ANTXRL: variants seen among roughly 807,000 people sequenced by gnomAD.
ANTXRL encodes anthrax toxin receptor-like.
Under a neutral mutation model 75.4 loss-of-function variants are expected in ANTXRL, and 63 were observed. The observed-to-expected ratio is 0.84, with a 90% CI of 0.68 to 1.03. The LOEUF (loss-of-function observed/expected upper bound fraction) is 1.03. Ranked by LOEUF, ANTXRL falls within the 50% of genes least tolerant of loss-of-function variation. The pLI is 0.00. For synonymous variants in ANTXRL, 335 were observed against 291.3 expected (o/e 1.15, Z -1.53); for missense variants, 797 against 789.4 (o/e 1.01, Z -0.12).
intron 15 of ANTXRL, 124 bp downstream of exon 15, chr10:46,311,789 T>C: frequency 1.8e-6 from 1 of 564,780 alleles, no homozygotes; most frequent in South Asian, 2.3e-5. Context: ...GGGCTGGACT[T>C]TGGACACTTG....
At chr10:46,304,597 A>G (rs1837959612) in intron 10 of ANTXRL, among the ~76,000 whole-genome samples, 1 of 152,162 alleles carries the variant, frequency 6.6e-6, no homozygotes, top group Admixed American at 6.5e-5. Flanking sequence ...TCAGGCATAT[A>G]GGCATAAAAC....
chr10:46,313,349 CA>C, intron 16 of ANTXRL, 33 bp downstream of exon 16: 1 of 1,523,078 alleles, frequency 6.6e-7, no homozygotes, highest in Non-Finnish European at 8.8e-7. Context: ...AGTTGATGGA[CA>C]AAAGGCCACT....
chr10:46,297,157 G>T (rs1837428967), intron 5 of ANTXRL, 95 bp from the exon 6 acceptor site: 1 of 1,048,582 alleles, frequency 9.5e-7, no homozygotes, highest in African/African-American at 1.6e-5. Flanking sequence ...GGAGTGGGCA[G>T]CGCTGTGGGC....
At chr10:46,307,509 G>A (rs1554962248) in intron 12 of ANTXRL, 29 bp downstream of exon 12, 8 of 1,517,998 alleles carry the variant, frequency 5.3e-6, no homozygotes, top group Non-Finnish European at 7.1e-6. Context: ...CTGCAAACAT[G>A]TATGAGGACT....
At position 46,287,385 on chromosome 10, in the gene ANTXRL, C is replaced by T; in HGVS notation, c.123C>T (p.His41=). The T allele has an allele frequency of 2.6e-6, 4 of 1,536,022 alleles. No homozygotes were observed. Among genetic ancestry groups the T allele is most frequent in the Non-Finnish European group, 3.5e-6 (4 of 1,146,768 alleles). The change falls in exon 1 of 17, where the codon CAC becomes CAT. Residue 41 remains histidine (H), a synonymous_variant. Coordinates refer to ENST00000620264, the MANE Select transcript of ANTXRL (RefSeq NM_001278688.3). ...ATGGACCTGACTGGAGAATATTTCA[C>T]CGCCTGGCCCTGGGCTCCAGGAGAG... ...RYHGPDWRIF[H]RLALGSRRAH...
chr10:46,292,013 G>C (rs1190390851), intron 1 of ANTXRL, 45 bp from the exon 2 acceptor site: 1 of 1,515,918 alleles, frequency 6.6e-7, no homozygotes, highest in Non-Finnish European at 8.9e-7. Context: ...TTGCCCATCG[G>C]AGAGATGCAC....
chr10:46,308,522 G>A (rs1484818791), intron 12 of ANTXRL: 8 of 440,286 alleles, frequency 1.8e-5, no homozygotes, highest in East Asian at 7.3e-5. Context: ...CACGGATGCC[G>A]CCCAAGATTC....
At chr10:46,313,169 A>C in intron 15 of ANTXRL, 67 bp from the exon 16 acceptor site, 1 of 1,335,472 alleles carries the variant, frequency 7.5e-7, no homozygotes, top group African/African-American at 1.5e-5. Flanking sequence ...GGGGCTGGGG[A>C]GTCCTGATGC....
At chr10:46,304,962 T>TG (rs1837984638) in intron 10 of ANTXRL, among the ~76,000 whole-genome samples, 1 of 152,158 alleles carries the variant, frequency 6.6e-6, no homozygotes, top group South Asian at 2.1e-4. Context: ...CGTCTCACAG[T>TG]GGGGAGCCCA....
intron 16 of ANTXRL, 61 bp from the exon 17 acceptor site, chr10:46,329,538 G>A: frequency 6.7e-7 from 1 of 1,502,776 alleles, no homozygotes; most frequent in Non-Finnish European, 8.9e-7. Flanking sequence ...GGCAACCGCA[G>A]CCTTCTGAGC....
In ANTXRL at chr10:46,329,865, C is replaced by T. The variant is rs782543392; in HGVS notation, c.1677C>T (p.His559=). The T allele has an allele frequency of 3.3e-6, 5 of 1,535,348 alleles. No homozygotes were observed. The highest frequency in any genetic ancestry group is 1.7e-4 in the Middle Eastern group (1 of 5,982). Reference sequence around the variant, plus strand: ...GCAGCCCAAGGATCTGCCTGAGACACAGCCCGGAGTACTTTTCCCAAGCAC... The same window carrying T: ...GCAGCCCAAGGATCTGCCTGAGACATAGCCCGGAGTACTTTTCCCAAGCAC... ...APCSPRICLR[H]SPEYFSQAQT... Residue 559 remains histidine, a synonymous_variant, in exon 17 of 17, where the codon CAC becomes CAT. Coordinates refer to ENST00000620264, the MANE Select transcript of ANTXRL (RefSeq NM_001278688.3).
rs559939566 is a variant in ANTXRL, at chr10:46,308,812, G to A, written c.1045-301G>A. ...TCCACCCTCACCTGTCTTTGTACCG[G>A]TAGATTTTGTGGTCCTCACAGAAGC... On this transcript the variant is annotated intron_variant, in intron 12 of 16. Transcript: ENST00000620264. 8.7e-5 allele frequency: 39 copies of A among 446,356 alleles called. 1 individual carries two copies. Among genetic ancestry groups the A allele is most frequent in the South Asian group, 8.7e-4 (38 of 43,580 alleles). 27.6% of individuals were successfully genotyped at this position (446,356 alleles called of 1,614,324 possible). A position where few individuals can be genotyped will look rare whatever the true frequency, so the allele number is the denominator to read the frequency against.
chr10:46,326,372 C>T (rs1839212475), intron 16 of ANTXRL, among the ~76,000 whole-genome samples: 1 of 152,076 alleles, frequency 6.6e-6, no homozygotes, highest in Admixed American at 6.5e-5. Flanking sequence ...CGGAGGCAGC[C>T]CCTCACAACA....
Position 46,311,484 on chromosome 10 carries a change from G to GCAGA in ANTXRL, c.1174-22_1174-19dup, listed in dbSNP as rs1554963455. 11 of 1,515,102 alleles carry GCAGA rather than the reference G, an allele frequency of 7.3e-6. No homozygotes were observed. In the Admixed American group the frequency reaches 1.6e-4, roughly 22 times the overall value. The allele number at this position is 1,515,102 out of a possible 1,614,324, so 93.9% of individuals were successfully genotyped here. On this transcript the variant is annotated intron_variant, in intron 14 of 16. Coordinates refer to ENST00000620264, the MANE Select transcript of ANTXRL (RefSeq NM_001278688.3). ...GCACTGTGCCCTGCCAGCACTGTGAGCAGACAGTTGTTTTTCTTTTTTTAG... is the reference window on the plus strand; with the variant it reads ...GCACTGTGCCCTGCCAGCACTGTGAGCAGACAGACAGTTGTTTTTCTTTTTTTAG...
In ANTXRL at chr10:46,297,931, G is replaced by A. The variant is rs1837483061; in HGVS notation, c.735+20G>A. On this transcript the variant is annotated intron_variant, in intron 8 of 16. Transcript: ENST00000620264. ...GATGCCGTGAGTGGGCAGAGGTGAG[G>A]GGCTGGGGACCTGGATCCTTTGGCA... 2 of 1,535,868 alleles carry A rather than the reference G, an allele frequency of 1.3e-6. No homozygotes were observed. The highest frequency in any genetic ancestry group is 1.7e-6 in the Non-Finnish European group (2 of 1,146,714).
rs1837438666 is a variant in ANTXRL, at chr10:46,297,304, T to A, written c.561T>A (p.His187Gln). 5.9e-6 allele frequency: 9 copies of A among 1,536,536 alleles called. No homozygotes were observed. Among genetic ancestry groups the A allele is most frequent in the Non-Finnish European group, 7.0e-6 (8 of 1,146,866 alleles). Reference sequence around the variant, plus strand: ...TGACTGATGGAGAACTGGTGGCACATGCATTTCAGGACACTCTCAGAGAAG... The same window carrying A: ...TGACTGATGGAGAACTGGTGGCACAAGCATTTCAGGACACTCTCAGAGAAG... ...IAMTDGELVAHAFQDTLREAQ... is the reference protein window; with the variant it reads ...IAMTDGELVAQAFQDTLREAQ... Residue 187 changes from histidine to glutamine, a missense_variant, in exon 6 of 17, where the codon CAT (histidine) becomes CAA (glutamine). By Grantham distance (24) the His-to-Gln change is conservative. Transcript: ENST00000620264.
intron 9 of ANTXRL, among the ~76,000 whole-genome samples, chr10:46,300,095 C>T (rs1490248292): frequency 2.0e-5 from 3 of 152,188 alleles, no homozygotes; most frequent in Non-Finnish European, 4.4e-5. Context: ...GGATGTGAGT[C>T]TTCACTCCTC....
intron 1 of ANTXRL, among the ~76,000 whole-genome samples, chr10:46,288,827 T>C (rs1391742885): frequency 6.6e-6 from 1 of 151,988 alleles, no homozygotes; most frequent in African/African-American, 2.4e-5. Flanking sequence ...CCAGACAGAC[T>C]GGATGAGGGG....
intron 7 of ANTXRL, 136 bp from the exon 8 acceptor site, chr10:46,297,695 G>A: frequency 3.3e-6 from 3 of 904,092 alleles, no homozygotes; most frequent in Non-Finnish European, 5.1e-6. Flanking sequence ...GCTGCTGGCT[G>A]GAGAAGTCTG....
Sources: allele counts gnomAD v4.1 joint callset (sites outside exome capture counted in the v4.1 genomes callset), GRCh38; gene constraint gnomAD v4.1.1; transcripts MANE v1.5; gene names NCBI Gene and HGNC (gene_info 2026-07-23, HGNC 2026-07-21).